HNRNPA1L2: variants seen among roughly 807,000 people sequenced by gnomAD.
HNRNPA1L2 encodes heterogeneous nuclear ribonucleoprotein A1 like 2, also known as heterogeneous nuclear ribonucleoprotein A1-like 2.
Under a neutral mutation model 18.2 loss-of-function variants are expected in HNRNPA1L2, and 10 were observed. That is an observed-to-expected ratio of 0.55 (90% CI 0.34 to 0.93). The LOEUF (loss-of-function observed/expected upper bound fraction) is 0.93, where lower values mean the gene tolerates loss of function less well. HNRNPA1L2 is among the 40% of genes least tolerant of loss of function. The pLI is 0.02. For missense variants in HNRNPA1L2, 308 were observed against 394.4 expected (o/e 0.78, Z 1.85); for synonymous variants, 124 against 138.6 (o/e 0.89, Z 0.74).
chr13:52,641,093 ACT>A (rs1202892883), upstream of HNRNPA1L2: 1 of 152,086 alleles, frequency 6.6e-6, no homozygotes, highest in Non-Finnish European at 1.5e-5. Context: ...TTACATCTTG[ACT>A]CTCTGTAGCC....
the HNRNPA1L2 span, among the ~76,000 whole-genome samples, chr13:52,635,734 T>C: frequency 6.6e-6 from 1 of 152,176 alleles, no homozygotes; most frequent in African/African-American, 2.4e-5. Flanking sequence ...CTGGCTTGTT[T>C]CACTCAGCTA....
chr13:52,622,892 C>T, the HNRNPA1L2 span, among the ~76,000 whole-genome samples: 1 of 151,740 alleles, frequency 6.6e-6, no homozygotes, highest in East Asian at 1.9e-4. Context: ...TGATGTATTT[C>T]AGGGATGTCA....
At chr13:52,624,913 C>A in the HNRNPA1L2 span, among the ~76,000 whole-genome samples, 1 of 151,910 alleles carries the variant, frequency 6.6e-6, no homozygotes, top group Non-Finnish European at 1.5e-5. Context: ...GGACTGTAAT[C>A]GCAGTTACTC....
At chr13:52,641,852 C>A (rs1423716948), upstream of HNRNPA1L2, 1 of 152,120 alleles carries the variant, frequency 6.6e-6, no homozygotes, top group Non-Finnish European at 1.5e-5. Context: ...AAACCCAACT[C>A]AAAATTATTA....
chr13:52,633,986 T>C, the HNRNPA1L2 span, among the ~76,000 whole-genome samples: 1 of 152,240 alleles, frequency 6.6e-6, no homozygotes, highest in Non-Finnish European at 1.5e-5. Context: ...CATCTACTCA[T>C]GTGGCTTACA....
the HNRNPA1L2 span, among the ~76,000 whole-genome samples, chr13:52,630,928 A>C: frequency 6.6e-6 from 1 of 152,226 alleles, no homozygotes. Flanking sequence ...AATACTGTGC[A>C]GCTACATCGG....
the HNRNPA1L2 span, among the ~76,000 whole-genome samples, chr13:52,625,574 T>A: frequency 6.6e-6 from 1 of 152,186 alleles, no homozygotes; most frequent in Non-Finnish European, 1.5e-5. Flanking sequence ...TGAAGGAAAT[T>A]ATTGTTATGA....
the HNRNPA1L2 span, among the ~76,000 whole-genome samples, chr13:52,620,989 G>A: frequency 2.6e-5 from 4 of 152,146 alleles, no homozygotes; most frequent in African/African-American, 9.7e-5. Flanking sequence ...TATATTGTCA[G>A]TACCTAGTAT....
the HNRNPA1L2 span, among the ~76,000 whole-genome samples, chr13:52,619,599 C>T: frequency 2.0e-5 from 3 of 151,988 alleles, no homozygotes; most frequent in South Asian, 2.1e-4. Flanking sequence ...AGGCGTGAGC[C>T]GCTGCACCTG....
At chr13:52,636,706 A>G in the HNRNPA1L2 span, among the ~76,000 whole-genome samples, 15 of 152,352 alleles carry the variant, frequency 9.8e-5, no homozygotes, top group Middle Eastern at 3.4e-3. Flanking sequence ...AAAAATATTC[A>G]TATTCATAAA....
At chr13:52,635,742 C>T in the HNRNPA1L2 span, among the ~76,000 whole-genome samples, 2 of 151,786 alleles carry the variant, frequency 1.3e-5, no homozygotes, top group Admixed American at 6.6e-5. Flanking sequence ...TTTCACTCAG[C>T]TAATGATTTG....
chr13:52,627,080 G>A, the HNRNPA1L2 span, among the ~76,000 whole-genome samples: 1 of 152,100 alleles, frequency 6.6e-6, no homozygotes, highest in Non-Finnish European at 1.5e-5. Context: ...CCAGTTTGGG[G>A]CTATTATGAG....
At chr13:52,642,226 T>G (rs1425710915), upstream of HNRNPA1L2, 12 of 498,780 alleles carry the variant, frequency 2.4e-5, no homozygotes, top group African/African-American at 3.8e-5. Flanking sequence ...CTTAGTCATG[T>G]GCTGGAGAAA....
At chr13:52,625,767 T>C in the HNRNPA1L2 span, among the ~76,000 whole-genome samples, 1 of 152,170 alleles carries the variant, frequency 6.6e-6, no homozygotes, top group Non-Finnish European at 1.5e-5. Context: ...TTTTAACTAT[T>C]ATATTTCCTT....
At chr13:52,637,299 A>G in the HNRNPA1L2 span, 2 of 213,248 alleles carry the variant, frequency 9.4e-6, no homozygotes, top group South Asian at 8.8e-5. Flanking sequence ...ATGTCTTACT[A>G]TACAGACACA....
At chr13:52,624,541 G>A in the HNRNPA1L2 span, among the ~76,000 whole-genome samples, 3 of 152,182 alleles carry the variant, frequency 2.0e-5, no homozygotes, top group Admixed American at 6.5e-5. Context: ...TCTTAACAAG[G>A]ATAATGTCAT....
the HNRNPA1L2 span, chr13:52,621,954 A>G: frequency 3.2e-5 from 5 of 154,610 alleles, no homozygotes; most frequent in African/African-American, 1.2e-4. Flanking sequence ...CCTGCATTGT[A>G]TTTTTCATTT....
chr13:52,620,834 C>T, the HNRNPA1L2 span, among the ~76,000 whole-genome samples: 6 of 151,632 alleles, frequency 4.0e-5, no homozygotes, highest in Non-Finnish European at 7.4e-5. Context: ...GCCAAGATCA[C>T]GCCACTGCAC....
rs752190973 is a variant in HNRNPA1L2, at chr13:52,642,443, G to A, written c.-50G>A. 17 of 1,601,260 alleles carry A rather than the reference G, an allele frequency of 1.1e-5. No individual in the cohort carries two copies. Among genetic ancestry groups the A allele is most frequent in the East Asian group, 8.9e-5 (4 of 44,812 alleles). On this transcript the variant is annotated 5_prime_UTR_variant, in exon 1 of 1. It adds an upstream start codon to the 5' untranslated region. Coordinates refer to ENST00000357495, the MANE Select transcript of HNRNPA1L2 (RefSeq NM_001389320.1). ...GATCTCTGGTGGACTTTTTCTGCCC[G>A]TGGACGCCGCTGAAGAAGCATCGTT... is the stretch of plus-strand genomic sequence containing the variant.
Sources: gnomAD v4.1 joint callset for allele counts (sites outside exome capture counted in the v4.1 genomes callset) on GRCh38, gnomAD v4.1.1 for gene constraint, MANE v1.5 for transcripts, NCBI Gene and HGNC (gene_info 2026-07-23, HGNC 2026-07-21) for gene names.